ARHGAP23: variants seen among roughly 807,000 people sequenced by gnomAD.
ARHGAP23 encodes the protein Rho GTPase activating protein 23, also known as rho GTPase-activating protein 23.
Under a neutral mutation model 136.3 loss-of-function variants are expected in ARHGAP23, and 34 were observed. The observed-to-expected ratio is 0.25, with a 90% CI of 0.19 to 0.33. The LOEUF (loss-of-function observed/expected upper bound fraction) is 0.33, where lower values mean the gene tolerates loss of function less well. Among genes scored for constraint, ARHGAP23 ranks in the 10% least tolerant of loss-of-function variants. ARHGAP23 has a pLI of 1.00. For synonymous variants in ARHGAP23, 832 were observed against 920.5 expected, an observed-to-expected ratio of 0.90 and a Z score of 1.74; for missense variants, 1,808 against 2,139.0, an observed-to-expected ratio of 0.85 and a Z score of 3.05.
intron 10 of ARHGAP23, among the ~76,000 whole-genome samples, chr17:38,471,221 G>A (rs145407963): frequency 0.015 from 2,342 of 152,320 alleles, 17 homozygotes; most frequent in Middle Eastern, 0.024. Context: ...CCAAAGTGCT[G>A]GGATTACAGG....
chr17:38,495,953 A>T (rs1183384417), intron 20 of ARHGAP23, among the ~76,000 whole-genome samples: 1 of 152,054 alleles, frequency 6.6e-6, no homozygotes, highest in Non-Finnish European at 1.5e-5. Flanking sequence ...GCTGGAGTAC[A>T]GTGGTGCGAC....
intron 11 of ARHGAP23, among the ~76,000 whole-genome samples, chr17:38,472,371 A>G (rs2039780928): frequency 6.6e-6 from 1 of 152,098 alleles, no homozygotes; most frequent in African/African-American, 2.4e-5. Context: ...AGGCCCAAGA[A>G]GACGCAGGCA....
chr17:38,499,749 G>C (rs1340630083), intron 22 of ARHGAP23, among the ~76,000 whole-genome samples: 3 of 152,266 alleles, frequency 2.0e-5, no homozygotes, highest in Admixed American at 1.3e-4. Flanking sequence ...GGAGAGGGGG[G>C]CGTCTAACTT....
chr17:38,463,054 CA>C (rs1387447410), intron 4 of ARHGAP23, 63 bp from the exon 5 acceptor site: 109 of 1,540,122 alleles, frequency 7.1e-5, no homozygotes, highest in Non-Finnish European at 9.0e-5. Flanking sequence ...ATGCCTGGTA[CA>C]GGGGTTCTCA....
intron 12 of ARHGAP23, among the ~76,000 whole-genome samples, 199 bp downstream of exon 12, chr17:38,478,095 C>T (rs1039044268): frequency 6.6e-6 from 1 of 152,218 alleles, no homozygotes; most frequent in African/African-American, 2.4e-5. Flanking sequence ...GACCTGGCGT[C>T]CTCAGGTGCG....
chr17:38,479,296 C>T (rs1475807330), intron 12 of ARHGAP23, 140 bp from the exon 13 acceptor site: 24 of 641,472 alleles, frequency 3.7e-5, no homozygotes, highest in African/African-American at 2.2e-4. Flanking sequence ...GCTGGGGAGT[C>T]CAGGCCTGGT....
At chr17:38,469,659 G>A (rs1485706588) in intron 9 of ARHGAP23, 24 bp downstream of exon 9, 6 of 1,546,176 alleles carry the variant, frequency 3.9e-6, no homozygotes, top group Non-Finnish European at 1.7e-6. Context: ...CGGACACGGG[G>A]TGGGGTGGCC....
Position 38,510,090 on chromosome 17 carries a change from C to G in ARHGAP23, c.3594C>G (p.His1198Gln). 5.6e-6 allele frequency: 7 copies of G among 1,241,582 alleles called. No homozygotes were observed. The highest frequency in any genetic ancestry group is 7.0e-6 in the Non-Finnish European group (7 of 995,202). The allele number at this position is 1,241,582 out of a possible 1,614,324, so 76.9% of individuals were successfully genotyped here. A position where few individuals can be genotyped will look rare whatever the true frequency, so the allele number is the denominator to read the frequency against. ...ACGACGACTCGGAGCAGGAGGCGCA[C>G]AAGCCTGGGGCGGGGGCCACAGCGC... The part of the protein sequence containing the change: ...STDDDSEQEA[H>Q]KPGAGATAPG... The change falls in exon 24 of 24, where the codon CAC (histidine) becomes CAG (glutamine). Residue 1198 changes from histidine to glutamine, a missense_variant. Physicochemically the swap from His to Gln is conservative, Grantham distance 24. Transcript: ENST00000622683. The surrounding 1 kb of genome is among the most constrained non-coding windows in gnomAD (Gnocchi z 4.6).
intron 20 of ARHGAP23, among the ~76,000 whole-genome samples, chr17:38,494,985 T>C (rs577509725): frequency 6.6e-6 from 1 of 152,298 alleles, no homozygotes; most frequent in African/African-American, 2.4e-5. Flanking sequence ...CTTCCCCTGG[T>C]CAGCCTGTCT....
At chr17:38,454,323 C>T (rs1238181084) in intron 1 of ARHGAP23, among the ~76,000 whole-genome samples, 1 of 152,104 alleles carries the variant, frequency 6.6e-6, no homozygotes, top group African/African-American at 2.4e-5. Context: ...GGATTTGTGG[C>T]TTGGAGCTCT....
At position 38,510,424 on chromosome 17, in the gene ARHGAP23, C is replaced by T; in HGVS notation, c.3928C>T (p.His1310Tyr). 1.6e-6 allele frequency: 2 copies of T among 1,237,076 alleles called. No homozygotes were observed. The highest frequency in any genetic ancestry group is 2.0e-6 in the Non-Finnish European group (2 of 991,948). The allele number at this position is 1,237,076 out of a possible 1,614,324, so 76.6% of individuals were successfully genotyped here. Residue 1310 changes from histidine to tyrosine, a missense_variant, in exon 24 of 24, where the codon CAC becomes TAC. By Grantham distance (83) the His-to-Tyr change is moderately conservative. Coordinates refer to ENST00000622683, the MANE Select transcript of ARHGAP23 (RefSeq NM_001199417.2). This position sits in a 1 kb window ranked among gnomAD's most constrained non-coding sequence, Gnocchi z 4.6. ...RLTRRPSFSS[H>Y]HLMPCDTLAR... ...GACACGCCGGCCGTCCTTCAGCTCG[C>T]ACCACCTCATGCCCTGCGACACTCT...
rs1353415239 is a variant in ARHGAP23 at position 38,511,188 on chromosome 17, G to C, written c.*216G>C. On this transcript the variant is annotated 3_prime_UTR_variant, in exon 24 of 24. Transcript: ENST00000622683. ...TTGAATGGAAGGGGGTTCCAGAGGT[G>C]ATGAGCAGAAGAGGAGGGGGCGTGG... 7.5e-6 allele frequency: 4 copies of C among 535,216 alleles called. No homozygotes were observed. The Admixed American group carries it at 1.7e-4, about 23-fold the overall frequency. 33.2% of individuals were successfully genotyped at this position (535,216 alleles called of 1,614,324 possible). A position where few individuals can be genotyped will look rare whatever the true frequency, so the allele number is the denominator to read the frequency against.
At chr17:38,478,168 C>T (rs1003941659) in intron 12 of ARHGAP23, among the ~76,000 whole-genome samples, 1 of 152,164 alleles carries the variant, frequency 6.6e-6, no homozygotes, top group African/African-American at 2.4e-5. Flanking sequence ...GTGTTAGGAT[C>T]GCCTTGAGCA....
intron 1 of ARHGAP23, among the ~76,000 whole-genome samples, chr17:38,435,537 G>A (rs1046031488): frequency 2.0e-5 from 3 of 152,226 alleles, no homozygotes; most frequent in African/African-American, 4.8e-5. Flanking sequence ...GATGCTGTTT[G>A]TACTTCTTGC....
intron 14 of ARHGAP23, among the ~76,000 whole-genome samples, chr17:38,481,070 G>C (rs1597819121): frequency 6.6e-6 from 1 of 152,206 alleles, no homozygotes; most frequent in South Asian, 2.1e-4. Flanking sequence ...CCACCTCTTA[G>C]GTTCAAGCGA....
chr17:38,451,304 A>AC (rs1181417684), intron 1 of ARHGAP23: 1 of 152,178 alleles, frequency 6.6e-6, no homozygotes, highest in African/African-American at 2.4e-5. Context: ...GGAATCTGTT[A>AC]CCTCCTTGGC....
intron 1 of ARHGAP23, chr17:38,452,338 C>G (rs1319731890): frequency 6.6e-6 from 1 of 152,108 alleles, no homozygotes; most frequent in Non-Finnish European, 1.5e-5. Flanking sequence ...GGCCACCCTC[C>G]CGCAGGTTCT....
intron 14 of ARHGAP23, 125 bp downstream of exon 14, chr17:38,480,008 GT>G: frequency 7.3e-7 from 1 of 1,366,048 alleles, no homozygotes; most frequent in South Asian, 1.4e-5. Context: ...AGGGCTACCG[GT>G]ATGTCTGTCT....
intron 1 of ARHGAP23, 28 bp downstream of exon 1, chr17:38,428,576 CG>C (rs1253762685): frequency 7.3e-7 from 1 of 1,378,082 alleles, no homozygotes; most frequent in Non-Finnish European, 9.4e-7. Context: ...GGGAAGTGGG[CG>C]GGGCCGGTAG....
Sources: gnomAD v4.1 joint callset for allele counts (sites outside exome capture counted in the v4.1 genomes callset) on GRCh38, gnomAD v4.1.1 for gene constraint, Gnocchi (gnomAD v3.1) non-coding constraint, MANE v1.5 for transcripts, NCBI Gene and HGNC (gene_info 2026-07-23, HGNC 2026-07-21) for gene names.